ARHGAP24: variants seen among roughly 807,000 people sequenced by gnomAD.
ARHGAP24 encodes the protein Rho GTPase activating protein 24.
ARHGAP24 carries 50 observed loss-of-function variants against 76.4 expected under a neutral mutation model. The observed-to-expected ratio is 0.65, with a 90% CI of 0.52 to 0.83. ARHGAP24 has a LOEUF of 0.83. Among genes scored for constraint, ARHGAP24 ranks in the 40% least tolerant of loss-of-function variants. ARHGAP24 has a pLI of 0.00. For missense variants in ARHGAP24, 930 were observed against 914.2 expected, an observed-to-expected ratio of 1.02 and a Z score of -0.22; for synonymous variants, 345 against 323.3, an observed-to-expected ratio of 1.07 and a Z score of -0.72.
intron 3 of ARHGAP24, among the ~76,000 whole-genome samples, chr4:85,730,454 T>C (rs1235266213): frequency 6.6e-6 from 1 of 152,218 alleles, no homozygotes; most frequent in Non-Finnish European, 1.5e-5. Flanking sequence ...TCACCCAGGC[T>C]GGAGCACAGT....
At chr4:85,659,120 G>C (rs1722288025) in intron 2 of ARHGAP24, among the ~76,000 whole-genome samples, 1 of 152,180 alleles carries the variant, frequency 6.6e-6, no homozygotes, top group Non-Finnish European at 1.5e-5. Flanking sequence ...TATCTCGTGG[G>C]TAGAAGCCGG....
chr4:85,514,504 A>G (rs1338766337), intron 1 of ARHGAP24, among the ~76,000 whole-genome samples: 4 of 152,110 alleles, frequency 2.6e-5, no homozygotes, highest in African/African-American at 4.8e-5. Context: ...TATTTAATAA[A>G]TAATCATATC....
chr4:85,781,439 G>A (rs76221875), intron 3 of ARHGAP24, among the ~76,000 whole-genome samples: 4,472 of 152,066 alleles, frequency 0.029, 96 homozygotes, highest in East Asian at 0.088. Context: ...CATTTATTAA[G>A]CTATAAGCTG....
At position 85,771,383 on chromosome 4, in the gene ARHGAP24, T is replaced by C. The variant is rs546178918; in HGVS notation, c.268+49411T>C. On this transcript the variant is annotated intron_variant, in intron 3 of 9. Coordinates refer to ENST00000395184, the MANE Select transcript of ARHGAP24 (RefSeq NM_001025616.3). Reference sequence around the variant, plus strand: ...CCAATGTCTGAGAGGAGAAAATAAATGTCCCAGCAAAAGCAGACAAAGTAA... The same window carrying C: ...CCAATGTCTGAGAGGAGAAAATAAACGTCCCAGCAAAAGCAGACAAAGTAA... 2.0e-5 allele frequency among the ~76,000 whole-genome samples: 3 copies of C among 152,322 alleles called. No individual in the cohort carries two copies. The East Asian group carries it at 5.8e-4, about 29-fold the overall frequency.
At chr4:85,830,160 A>G (rs1335078924) in intron 3 of ARHGAP24, among the ~76,000 whole-genome samples, 2 of 152,216 alleles carry the variant, frequency 1.3e-5, no homozygotes, top group East Asian at 1.9e-4. Flanking sequence ...TTTCAGCTTT[A>G]CACTTTTCTT....
chr4:85,610,259 C>T (rs893047139), intron 2 of ARHGAP24, among the ~76,000 whole-genome samples: 5 of 151,716 alleles, frequency 3.3e-5, no homozygotes, highest in East Asian at 3.9e-4. Flanking sequence ...CTGGCTAACA[C>T]GGTGAAACCT....
At chr4:85,797,546 T>A (rs1045353631) in intron 3 of ARHGAP24, among the ~76,000 whole-genome samples, 20 of 152,202 alleles carry the variant, frequency 1.3e-4, no homozygotes, top group African/African-American at 4.3e-4. Flanking sequence ...ATAGCTAAGG[T>A]GGACTGATCT....
chr4:85,875,917 A>AT (rs1484211198), intron 3 of ARHGAP24, among the ~76,000 whole-genome samples: 1 of 151,068 alleles, frequency 6.6e-6, no homozygotes, highest in East Asian at 1.9e-4. Flanking sequence ...TAATTTTTTT[A>AT]TTTTTAGTAG....
intron 1 of ARHGAP24, among the ~76,000 whole-genome samples, chr4:85,564,407 C>T (rs574325663): frequency 7.0e-4 from 92 of 130,692 alleles, no homozygotes; most frequent in Admixed American, 2.8e-3. Context: ...GTGGGGGGAG[C>T]GGGGGGGATA....
chr4:85,776,164 T>G (rs1284644593), intron 3 of ARHGAP24, among the ~76,000 whole-genome samples: 6 of 152,110 alleles, frequency 3.9e-5, no homozygotes, highest in African/African-American at 1.4e-4. Context: ...CTCTCTGGGA[T>G]TTCTTAGTAA....
intron 2 of ARHGAP24, among the ~76,000 whole-genome samples, chr4:85,593,013 T>A (rs762395702): frequency 5.9e-5 from 9 of 152,098 alleles, no homozygotes; most frequent in Non-Finnish European, 1.3e-4. Context: ...TTATTTTTAG[T>A]TTTTTAGGAA....
At chr4:85,770,866 G>A (rs1426217358) in intron 3 of ARHGAP24, among the ~76,000 whole-genome samples, 1 of 152,176 alleles carries the variant, frequency 6.6e-6, no homozygotes, top group African/African-American at 2.4e-5. Context: ...ATATAAGAAT[G>A]TCCTCACCTC....
intron 3 of ARHGAP24, among the ~76,000 whole-genome samples, chr4:85,920,996 A>G (rs2148809543): frequency 6.6e-6 from 1 of 152,348 alleles, no homozygotes; most frequent in African/African-American, 2.4e-5. Context: ...AAAGACAGAA[A>G]TACCATCTGA....
At chr4:85,777,953 T>A (rs909364688) in intron 3 of ARHGAP24, among the ~76,000 whole-genome samples, 1 of 152,224 alleles carries the variant, frequency 6.6e-6, no homozygotes, top group East Asian at 1.9e-4. Flanking sequence ...AATTATACAA[T>A]CAACAATAAT....
intron 4 of ARHGAP24, chr4:85,930,581 A>C: frequency 9.6e-7 from 1 of 1,041,028 alleles, no homozygotes; most frequent in Non-Finnish European, 1.2e-6. Flanking sequence ...AAACAAAAAA[A>C]TGCAAAAACC....
intron 4 of ARHGAP24, among the ~76,000 whole-genome samples, chr4:85,937,463 T>C (rs1736709429): frequency 6.6e-6 from 1 of 152,204 alleles, no homozygotes; most frequent in African/African-American, 2.4e-5. Flanking sequence ...ATTATAGCAA[T>C]AGCCCAAATT....
At chr4:85,503,549 G>T (rs1723912162) in intron 1 of ARHGAP24, among the ~76,000 whole-genome samples, 1 of 152,136 alleles carries the variant, frequency 6.6e-6, no homozygotes, top group African/African-American at 2.4e-5. Context: ...TTTTCTGTGG[G>T]ATTGGTGGTG....
At chr4:85,834,233 C>T (rs1028709775) in intron 3 of ARHGAP24, among the ~76,000 whole-genome samples, 19 of 152,104 alleles carry the variant, frequency 1.2e-4, no homozygotes, top group Non-Finnish European at 2.2e-4. Context: ...TTGATCATCA[C>T]AGAATGAAGA....
intron 3 of ARHGAP24, among the ~76,000 whole-genome samples, chr4:85,837,998 G>A (rs574553781): frequency 2.6e-5 from 4 of 152,248 alleles, no homozygotes; most frequent in African/African-American, 7.2e-5. Context: ...TGTCTTGATC[G>A]TCCTTTCTGT....
Sources: allele counts gnomAD v4.1 joint callset (sites outside exome capture counted in the v4.1 genomes callset), GRCh38; gene constraint gnomAD v4.1.1; transcripts MANE v1.5; gene names NCBI Gene and HGNC (gene_info 2026-07-23, HGNC 2026-07-21).